CLMP: variants seen among roughly 807,000 people sequenced by gnomAD.
CLMP encodes the protein CXADR-like membrane protein.
CLMP carries 27 observed loss-of-function variants against 45.2 expected under a neutral mutation model. That is an observed-to-expected ratio of 0.60 (90% CI 0.44 to 0.82). The LOEUF (loss-of-function observed/expected upper bound fraction) is 0.82, where lower values mean the gene tolerates loss of function less well. Ranked by LOEUF, CLMP falls within the 40% of genes least tolerant of loss-of-function variation. The probability of loss-of-function intolerance (pLI) is 0.00; values close to 1 mark genes in which losing one functional copy is unlikely to be tolerated. For missense variants in CLMP, 403 were observed against 448.4 expected, an observed-to-expected ratio of 0.90 and a Z score of 0.91; for synonymous variants, 167 against 171.4, an observed-to-expected ratio of 0.97 and a Z score of 0.20.
Position 123,170,114 on chromosome 11 carries a change from T to G in CLMP, c.28+24799A>C, listed in dbSNP as rs375253623. Among the ~76,000 whole-genome samples the G allele has an allele frequency of 2.0e-5, 3 of 152,216 alleles. No individual in the cohort carries two copies. The South Asian group carries it at 6.2e-4, about 31-fold the overall frequency. On this transcript the variant is annotated intron_variant, in intron 1 of 6. Coordinates refer to ENST00000448775, the MANE Select transcript of CLMP (RefSeq NM_024769.5). ...TGGAAGAGGAAAAGGAAATTCTCTA[T>G]AGAATGTAGACTTTTAACCCCAAGA...
Position 123,073,101 on chromosome 11 carries a change from TC to T in CLMP, c.*372del, listed in dbSNP as rs1303948006. 1 of 176,752 alleles carries T rather than the reference TC, an allele frequency of 5.7e-6. No homozygotes were observed. Among genetic ancestry groups the T allele is most frequent in the Admixed American group, 5.6e-5 (1 of 17,752 alleles). The allele number at this position is 176,752 out of a possible 1,614,324, so 10.9% of individuals were successfully genotyped here. On this transcript the variant is annotated 3_prime_UTR_variant, in exon 7 of 7. Coordinates refer to ENST00000448775, the MANE Select transcript of CLMP (RefSeq NM_024769.5). ...GAAAATTTACAAACAGCATCCCATTTCCTCTTGAAAATTGTGAATCAAAGCA... is the reference window on the plus strand; with the variant it reads ...GAAAATTTACAAACAGCATCCCATTTCTCTTGAAAATTGTGAATCAAAGCA...
rs1865843944 is a variant in CLMP, at chr11:123,084,691, T to C, written c.209A>G (p.His70Arg). ...TTCCTCAGTCAAGTTATTGTAGACA[T>C]GACGACTGGAGTAAGTGATCACCTG... ...QKVVITYSSR[H>R]VYNNLTEEQK... The change falls in exon 3 of 7, where the codon CAT (histidine) becomes CGT (arginine). Residue 70 changes from histidine to arginine, a missense_variant. His to Arg is a conservative substitution (Grantham distance 29, BLOSUM62 0). Transcript: ENST00000448775. The C allele has an allele frequency of 3.1e-6, 5 of 1,614,176 alleles. No homozygotes were observed. Among genetic ancestry groups the C allele is most frequent in the Non-Finnish European group, 4.2e-6 (5 of 1,180,038 alleles).
chr11:123,131,122 C>T (rs912437823), intron 1 of CLMP, among the ~76,000 whole-genome samples: 1 of 152,086 alleles, frequency 6.6e-6, no homozygotes, highest in African/African-American at 2.4e-5. Flanking sequence ...GGATTACAGG[C>T]GTGAGCCACC....
chr11:123,113,349 A>T (rs1407974086), intron 1 of CLMP, among the ~76,000 whole-genome samples: 1 of 152,244 alleles, frequency 6.6e-6, no homozygotes, highest in Non-Finnish European at 1.5e-5. Context: ...AGAGACACAA[A>T]ACAGGCACCC....
intron 5 of CLMP, among the ~76,000 whole-genome samples, chr11:123,075,648 A>C (rs1865730785): frequency 6.6e-6 from 1 of 151,666 alleles, no homozygotes. Context: ...CGTTCTCCCA[A>C]AGTGCTGGGA....
chr11:123,153,868 A>G lies in CLMP; in HGVS notation c.28+41045T>C, dbSNP rs867395100. On this transcript the variant is annotated intron_variant, in intron 1 of 6. Coordinates refer to ENST00000448775, the MANE Select transcript of CLMP (RefSeq NM_024769.5). ...TCACTTTTTTTTTTTTTTTTTTTTT[A>G]AGAGATGGGGTTTCACCATGTTGGC... 3.6e-5 allele frequency among the ~76,000 whole-genome samples: 4 copies of G among 111,316 alleles called. 1 individual carries two copies. The South Asian group carries it at 8.0e-4, about 22-fold the overall frequency. 73.0% of individuals were successfully genotyped at this position (111,316 alleles called of 152,430 possible). A position where few individuals can be genotyped will look rare whatever the true frequency, so the allele number is the denominator to read the frequency against.
chr11:123,188,411 TCC>T (rs1861861364), intron 1 of CLMP, among the ~76,000 whole-genome samples: 1 of 15,366 alleles, frequency 6.5e-5, no homozygotes, highest in Non-Finnish European at 1.3e-4. Context: ...TGTGCCTTCC[TCC>T]TCCTCTTCCT....
intron 2 of CLMP, among the ~76,000 whole-genome samples, chr11:123,085,089 T>C (rs551250490): frequency 6.6e-6 from 1 of 151,548 alleles, no homozygotes; most frequent in East Asian, 1.9e-4. Context: ...GTATTAAGCA[T>C]AGACTTATGA....
chr11:123,129,970 A>G (rs1424236242), intron 1 of CLMP, among the ~76,000 whole-genome samples: 2 of 151,604 alleles, frequency 1.3e-5, no homozygotes, highest in Non-Finnish European at 2.9e-5. Flanking sequence ...AATAAATATA[A>G]GTTACAGAGC....
chr11:123,155,352 G>A (rs1298835315), intron 1 of CLMP, among the ~76,000 whole-genome samples: 2 of 152,202 alleles, frequency 1.3e-5, no homozygotes, highest in Non-Finnish European at 2.9e-5. Context: ...ATTGCACAAG[G>A]GAAGTGCTGA....
At chr11:123,159,850 A>AT (rs1017165910) in intron 1 of CLMP, among the ~76,000 whole-genome samples, 20 of 152,152 alleles carry the variant, frequency 1.3e-4, no homozygotes, top group African/African-American at 4.6e-4. Context: ...GAATGTATCA[A>AT]TTTTTTTGGT....
intron 1 of CLMP, among the ~76,000 whole-genome samples, chr11:123,172,858 A>G (rs374513751): frequency 6.6e-6 from 1 of 152,238 alleles, no homozygotes; most frequent in African/African-American, 2.4e-5. Flanking sequence ...TATTGGGCCA[A>G]GGCTATGAAT....
Position 123,084,611 on chromosome 11 carries a change from G to A in CLMP, c.289C>T (p.Gln97Ter). ...SNFLAGDASL[Q>*]IEPLKPSDEG... ...TCACTGGGCTTCAGAGGTTCAATCT[G>A]CAAGGAGGCATCTCCTGCCAGGAAA... Residue 97 changes from glutamine to a stop codon, truncating the protein, a stop_gained, in exon 3 of 7, where the codon CAG becomes TAG. Transcript: ENST00000448775. LOFTEE classifies it high-confidence loss of function. 1 of 1,614,162 alleles carries A rather than the reference G, an allele frequency of 6.2e-7. No individual in the cohort carries two copies. The highest frequency in any genetic ancestry group is 8.5e-7 in the Non-Finnish European group (1 of 1,180,006).
intron 1 of CLMP, among the ~76,000 whole-genome samples, chr11:123,102,224 C>T (rs1483901772): frequency 2.0e-5 from 3 of 149,370 alleles, no homozygotes; most frequent in African/African-American, 7.3e-5. Flanking sequence ...CTAGTTATTC[C>T]TGCAAATAAC....
intron 1 of CLMP, among the ~76,000 whole-genome samples, chr11:123,158,061 C>T (rs1449714049): frequency 6.6e-6 from 1 of 152,164 alleles, no homozygotes; most frequent in Non-Finnish European, 1.5e-5. Context: ...TCAATCCACC[C>T]GAAAAGTACT....
At chr11:123,104,211 A>T (rs1361615811) in intron 1 of CLMP, among the ~76,000 whole-genome samples, 1 of 133,678 alleles carries the variant, frequency 7.5e-6, no homozygotes, top group African/African-American at 2.9e-5. Context: ...TCTCGGGTTC[A>T]TGAGTAACTG....
chr11:123,131,772 C>T (rs778381512), intron 1 of CLMP, among the ~76,000 whole-genome samples: 5 of 151,946 alleles, frequency 3.3e-5, no homozygotes, highest in Non-Finnish European at 5.9e-5. Flanking sequence ...TGCGCCACCA[C>T]GTCCGGCTAA....
At chr11:123,188,963 C>G (rs945257416) in intron 1 of CLMP, 1 of 152,216 alleles carries the variant, frequency 6.6e-6, no homozygotes, top group Non-Finnish European at 1.5e-5. Context: ...CCATAAACCT[C>G]ATCATCCACA....
chr11:123,176,272 C>T (rs966338703), intron 1 of CLMP, among the ~76,000 whole-genome samples: 3 of 151,944 alleles, frequency 2.0e-5, no homozygotes, highest in African/African-American at 4.8e-5. Context: ...AAAGTGAGCC[C>T]CTGATTTTGT....
Sources: gnomAD v4.1 joint callset for allele counts (sites outside exome capture counted in the v4.1 genomes callset) on GRCh38, gnomAD v4.1.1 for gene constraint, MANE v1.5 for transcripts, NCBI Gene and HGNC (gene_info 2026-07-23, HGNC 2026-07-21) for gene names.